The following CDKN2B-AS1 variants were observed in gnomAD, a reference collection of about 807,000 sequenced individuals.
CDKN2B-AS1 encodes the protein CDKN2B and CDKN2A antisense cis and trans regulatory RNA 1, also known as CDKN2B antisense RNA 1 (non-protein coding).
At chr9:22,099,033 G>C (rs1825388609) in intron 4 of CDKN2B-AS1, among the ~76,000 whole-genome samples, 1 of 152,212 alleles carries the variant, frequency 6.6e-6, no homozygotes, top group Non-Finnish European at 1.5e-5. Context: ...AGCACAATGA[G>C]GGTGTTAGTA....
chr9:22,009,202 G>C, intron 1 of CDKN2B-AS1: 1 of 614,364 alleles, frequency 1.6e-6, no homozygotes, highest in Middle Eastern at 4.4e-4. Flanking sequence ...ATTGCTTCTG[G>C]GAAAAAGCGC....
At position 21,999,089 on chromosome 9, in the gene CDKN2B-AS1, A is replaced by T. The variant is rs1820812268; in HGVS notation, n.29+3928A>T. On this transcript the variant is annotated intron_variant and non_coding_transcript_variant, in intron 1 of 4. Coordinates refer to ENST00000650946, the Ensembl canonical transcript of CDKN2B-AS1. The surrounding 1 kb of genome is among the most constrained non-coding windows in gnomAD (Gnocchi z 4.7). The stretch of plus-strand genomic sequence containing the variant: ...ACAGAAACAATGGCATATAACCACA[A>T]GTGTGGCAAAAAGAAAAAAGACTAC... 6.6e-6 allele frequency among the ~76,000 whole-genome samples: 1 copy of T among 152,130 alleles called. No homozygotes were observed. The highest frequency in any genetic ancestry group is 2.1e-4 in the South Asian group (1 of 4,838).
At chr9:22,003,444 T>G in intron 1 of CDKN2B-AS1, 1 of 227,400 alleles carries the variant, frequency 4.4e-6, no homozygotes, top group Non-Finnish European at 8.7e-6. Flanking sequence ...TTTCAAGGGA[T>G]AATTTTTCAT....
At chr9:22,043,296 A>T (rs888950380) in intron 1 of CDKN2B-AS1, among the ~76,000 whole-genome samples, 1 of 152,014 alleles carries the variant, frequency 6.6e-6, no homozygotes, top group African/African-American at 2.4e-5. Context: ...TTTCATATTC[A>T]TAGATTTTTT....
intron 1 of CDKN2B-AS1, chr9:22,012,449 C>T (rs955385347): frequency 7.0e-6 from 5 of 713,942 alleles, no homozygotes; most frequent in Admixed American, 3.6e-5. Context: ...CTGCCATAAG[C>T]GCTATGCTCT....
intron 3 of CDKN2B-AS1, among the ~76,000 whole-genome samples, chr9:22,055,153 A>C (rs1241538193): frequency 1.3e-5 from 2 of 152,220 alleles, no homozygotes; most frequent in East Asian, 3.8e-4. Context: ...ATAGTTAACA[A>C]ATAAAAATTC....
intron 4 of CDKN2B-AS1, among the ~76,000 whole-genome samples, chr9:22,070,801 A>G (rs1373176800): frequency 1.3e-5 from 2 of 152,238 alleles, no homozygotes; most frequent in Non-Finnish European, 2.9e-5. Context: ...ATAAATTAAG[A>G]TAGACATTAA....
At chr9:22,022,142 C>G (rs1822043124) in intron 1 of CDKN2B-AS1, among the ~76,000 whole-genome samples, 1 of 151,528 alleles carries the variant, frequency 6.6e-6, no homozygotes, top group Non-Finnish European at 1.5e-5. Flanking sequence ...TTGTTTTTCA[C>G]TGGAGAGTTT....
chr9:22,065,419 A>C (rs1823995746), intron 4 of CDKN2B-AS1, among the ~76,000 whole-genome samples: 1 of 152,206 alleles, frequency 6.6e-6, no homozygotes, highest in Non-Finnish European at 1.5e-5. Context: ...GCAGTTTTAC[A>C]TTGTCTAGAG....
chr9:22,039,081 A>G lies in CDKN2B-AS1; in HGVS notation n.30-7670A>G, dbSNP rs1332336408. Among the ~76,000 whole-genome samples, 1 of 152,004 alleles carries G rather than the reference A, an allele frequency of 6.6e-6. No individual in the cohort carries two copies. The highest frequency in any genetic ancestry group is 2.4e-5 in the African/African-American group (1 of 41,406). ...AGAAAATGGGTTTAGGGATTTAGAA[A>G]TTTCTTTACTAAATAACTCTAGGGA... On this transcript the variant is annotated intron_variant and non_coding_transcript_variant, in intron 1 of 4. Transcript: ENST00000650946. This position sits in a 1 kb window ranked among gnomAD's most constrained non-coding sequence, Gnocchi z 4.4.
chr9:22,028,303 T>C (rs539449331), intron 1 of CDKN2B-AS1, among the ~76,000 whole-genome samples: 133 of 152,232 alleles, frequency 8.7e-4, no homozygotes, highest in Non-Finnish European at 1.1e-3. Flanking sequence ...TGCAAACTGA[T>C]TGTTCATCTC....
chr9:22,122,341 G>A (rs1826120395), intron 4 of CDKN2B-AS1, among the ~76,000 whole-genome samples: 1 of 152,020 alleles, frequency 6.6e-6, no homozygotes, highest in South Asian at 2.1e-4. Context: ...CTTCCATTCT[G>A]TAGTTTGTAT....
At chr9:22,077,911 G>A (rs1368846362) in intron 4 of CDKN2B-AS1, 1 of 152,118 alleles carries the variant, frequency 6.6e-6, no homozygotes, top group Non-Finnish European at 1.5e-5. Flanking sequence ...GGCTTGAATG[G>A]TCCTCAGATA....
chr9:22,031,785 T>C (rs1221956906), intron 1 of CDKN2B-AS1, among the ~76,000 whole-genome samples: 2 of 152,112 alleles, frequency 1.3e-5, no homozygotes, highest in African/African-American at 2.4e-5. Flanking sequence ...TAGAATATGG[T>C]AGTAGAGTAG....
chr9:22,090,593 T>C (rs1306899628), intron 4 of CDKN2B-AS1, among the ~76,000 whole-genome samples: 1 of 152,216 alleles, frequency 6.6e-6, no homozygotes, highest in Non-Finnish European at 1.5e-5. Flanking sequence ...GATGAGCAAT[T>C]TTTCATGTGT....
At chr9:22,055,392 T>C (rs1040843205) in intron 3 of CDKN2B-AS1, among the ~76,000 whole-genome samples, 1 of 152,186 alleles carries the variant, frequency 6.6e-6, no homozygotes, top group Non-Finnish European at 1.5e-5. Context: ...ATAACAAAAG[T>C]TGTTTTATCC....
At position 22,039,006 on chromosome 9, in the gene CDKN2B-AS1, A is replaced by T. The variant is rs1037527203; in HGVS notation, n.30-7745A>T. ...ATCTGAGAAAATTTCCAGTTAGGAC[A>T]TGGAAATTTTTTCCTTGTCAATATT... On this transcript the variant is annotated intron_variant and non_coding_transcript_variant, in intron 1 of 4. Coordinates refer to ENST00000650946, the Ensembl canonical transcript of CDKN2B-AS1. The surrounding 1 kb of genome is among the most constrained non-coding windows in gnomAD (Gnocchi z 4.4). Among the ~76,000 whole-genome samples, 1 of 152,028 alleles carries T rather than the reference A, an allele frequency of 6.6e-6. No homozygotes were observed. Among genetic ancestry groups the T allele is most frequent in the East Asian group, 1.9e-4 (1 of 5,168 alleles).
chr9:22,115,951 G>A (rs989220770), intron 4 of CDKN2B-AS1, among the ~76,000 whole-genome samples: 1 of 152,048 alleles, frequency 6.6e-6, no homozygotes, highest in Admixed American at 6.6e-5. Flanking sequence ...CTCCTGTTCG[G>A]ATCCCTTCAG....
intron 1 of CDKN2B-AS1, among the ~76,000 whole-genome samples, chr9:22,018,855 A>T (rs956426076): frequency 6.6e-6 from 1 of 152,190 alleles, no homozygotes; most frequent in African/African-American, 2.4e-5. Flanking sequence ...CATACACTAT[A>T]TTCTAGGTAC....
Sources: gnomAD v4.1 joint callset for allele counts (sites outside exome capture counted in the v4.1 genomes callset) on GRCh38, gnomAD v4.1.1 for gene constraint, Gnocchi (gnomAD v3.1) non-coding constraint, MANE v1.5 for transcripts, NCBI Gene and HGNC (gene_info 2026-07-23, HGNC 2026-07-21) for gene names.